CSGALNACT1: variants seen among roughly 807,000 people sequenced by gnomAD.
The protein encoded by CSGALNACT1 is chondroitin sulfate N-acetylgalactosaminyltransferase 1.
In CSGALNACT1, 52 loss-of-function variants were observed where a neutral mutation model predicts 51.0. The observed-to-expected ratio is 1.02, with a 90% CI of 0.82 to 1.29. The LOEUF (loss-of-function observed/expected upper bound fraction) is 1.29, where lower values mean the gene tolerates loss of function less well. CSGALNACT1 is among the 50% of genes most tolerant of loss of function. The pLI, the probability that CSGALNACT1 is intolerant of heterozygous loss-of-function variation, is 0.00. For synonymous variants in CSGALNACT1, 341 were observed against 254.4 expected, an observed-to-expected ratio of 1.34 and a Z score of -3.24; for missense variants, 935 against 679.2, an observed-to-expected ratio of 1.38 and a Z score of -4.19.
intron 1 of CSGALNACT1, among the ~76,000 whole-genome samples, chr8:19,693,667 G>C (rs17481361): frequency 0.25 from 38,042 of 151,816 alleles, 5,090 homozygotes; most frequent in Middle Eastern, 0.37. Flanking sequence ...GTTCTTACCT[G>C]TTTGTGATCA....
intron 1 of CSGALNACT1, among the ~76,000 whole-genome samples, chr8:19,723,507 T>C (rs1411921819): frequency 6.6e-6 from 1 of 152,156 alleles, no homozygotes; most frequent in Non-Finnish European, 1.5e-5. Flanking sequence ...GTTGTCAGGA[T>C]ATCAAAAGAA....
intron 5 of CSGALNACT1, among the ~76,000 whole-genome samples, chr8:19,441,208 G>GA (rs1182931799): frequency 1.8e-4 from 27 of 152,016 alleles, no homozygotes; most frequent in Admixed American, 5.9e-4. Flanking sequence ...CACAGAATTG[G>GA]AAAAAACTAC....
At chr8:19,426,598 T>A (rs1670006526) in intron 6 of CSGALNACT1, among the ~76,000 whole-genome samples, 1 of 152,306 alleles carries the variant, frequency 6.6e-6, no homozygotes, top group Admixed American at 6.5e-5. Context: ...TGCTTATAAT[T>A]ATTTCTTTTT....
intron 1 of CSGALNACT1, among the ~76,000 whole-genome samples, chr8:19,636,760 C>T (rs1451421581): frequency 1.3e-5 from 2 of 152,198 alleles, no homozygotes; most frequent in African/African-American, 4.8e-5. Context: ...AGTCTTCCTT[C>T]TCCCGAGTTT....
At chr8:19,487,540 G>A (rs1298993401) in intron 4 of CSGALNACT1, among the ~76,000 whole-genome samples, 1 of 152,150 alleles carries the variant, frequency 6.6e-6, no homozygotes, top group Non-Finnish European at 1.5e-5. Context: ...TGGACAGAAA[G>A]TCAATAAGAA....
At position 19,478,905 on chromosome 8, in the gene CSGALNACT1, G is replaced by A. The variant is rs536892449; in HGVS notation, c.635-20263C>T. Reference sequence around the variant, plus strand: ...ACCCTCCTTAAAGGGATCTTGTCATGTCATTTTAGGTTGCTAATGTTTGGA... The same window carrying A: ...ACCCTCCTTAAAGGGATCTTGTCATATCATTTTAGGTTGCTAATGTTTGGA... On this transcript the variant is annotated intron_variant, in intron 4 of 9. Transcript: ENST00000454498. Among the ~76,000 whole-genome samples the A allele has an allele frequency of 6.6e-5, 10 of 152,276 alleles. No homozygotes were observed. In the East Asian group the frequency reaches 1.9e-3, roughly 29 times the overall value.
intron 3 of CSGALNACT1, among the ~76,000 whole-genome samples, chr8:19,523,891 T>C (rs1360959164): frequency 6.6e-6 from 1 of 152,296 alleles, no homozygotes; most frequent in South Asian, 2.1e-4. Context: ...AGAAAGATCA[T>C]CTGTTTGGAA....
chr8:19,711,949 A>T (rs181677771), intron 1 of CSGALNACT1, among the ~76,000 whole-genome samples: 59 of 152,336 alleles, frequency 3.9e-4, no homozygotes, highest in Non-Finnish European at 7.5e-4. Context: ...TGCTAAACCC[A>T]TTGGACAGAT....
chr8:19,456,890 C>T lies in CSGALNACT1; in HGVS notation c.851+1536G>A, dbSNP rs7015665. 2.9e-3 allele frequency among the ~76,000 whole-genome samples: 434 copies of T among 152,270 alleles called. 3 individuals carry two copies. Among genetic ancestry groups the T allele is most frequent in the African/African-American group, 0.01 (421 of 41,538 alleles). On this transcript the variant is annotated intron_variant, in intron 5 of 9. Transcript: ENST00000454498. ...AAAAGACTAGGGGAGTTGTGATGAC[C>T]ACCTTCAAATATTTGAAAACTTATG... is the stretch of plus-strand genomic sequence containing the variant.
chr8:19,735,307 G>A (rs2063911205), intron 1 of CSGALNACT1, among the ~76,000 whole-genome samples: 2 of 152,050 alleles, frequency 1.3e-5, no homozygotes, highest in South Asian at 4.1e-4. Context: ...CCATATCAAA[G>A]ATTTCATTTT....
At chr8:19,409,259 T>A (rs1231588695) in intron 8 of CSGALNACT1, among the ~76,000 whole-genome samples, 1 of 152,182 alleles carries the variant, frequency 6.6e-6, no homozygotes, top group Non-Finnish European at 1.5e-5. Context: ...CTCTGTTAAC[T>A]CTCGCTTGCT....
intron 5 of CSGALNACT1, among the ~76,000 whole-genome samples, chr8:19,452,158 C>T (rs1396731212): frequency 6.6e-6 from 1 of 152,148 alleles, no homozygotes; most frequent in Admixed American, 6.5e-5. Flanking sequence ...TCTACATTAG[C>T]TTCCTGTGGC....
intron 5 of CSGALNACT1, among the ~76,000 whole-genome samples, chr8:19,449,483 T>C (rs1045844431): frequency 6.6e-6 from 1 of 152,186 alleles, no homozygotes; most frequent in African/African-American, 2.4e-5. Context: ...GGCCTTTCTG[T>C]CATATATACC....
intron 1 of CSGALNACT1, among the ~76,000 whole-genome samples, chr8:19,662,387 A>C (rs1564373710): frequency 6.6e-6 from 1 of 152,146 alleles, no homozygotes; most frequent in Non-Finnish European, 1.5e-5. Context: ...GCCTCTAAAA[A>C]AGAAAGAAAA....
chr8:19,700,933 C>T (rs2061830795), intron 1 of CSGALNACT1, among the ~76,000 whole-genome samples: 1 of 152,032 alleles, frequency 6.6e-6, no homozygotes, highest in Non-Finnish European at 1.5e-5. Flanking sequence ...TTCCCAATAT[C>T]CACTGAAAAC....
intron 1 of CSGALNACT1, among the ~76,000 whole-genome samples, chr8:19,734,312 G>A (rs1041268717): frequency 1.3e-5 from 2 of 152,192 alleles, no homozygotes; most frequent in African/African-American, 4.8e-5. Context: ...GAATATTCTT[G>A]TAACAAAAAG....
At chr8:19,451,740 T>C (rs372820720) in intron 5 of CSGALNACT1, among the ~76,000 whole-genome samples, 1 of 152,236 alleles carries the variant, frequency 6.6e-6, no homozygotes, top group Admixed American at 6.5e-5. Context: ...ATATTTATTG[T>C]AAGTTGAAGC....
chr8:19,489,393 A>G (rs1331871425), intron 4 of CSGALNACT1, among the ~76,000 whole-genome samples: 5 of 152,140 alleles, frequency 3.3e-5, no homozygotes, highest in African/African-American at 1.2e-4. Flanking sequence ...AAAAAAATCA[A>G]ACAAAAATTT....
intron 3 of CSGALNACT1, among the ~76,000 whole-genome samples, chr8:19,551,974 G>T (rs1430209570): frequency 6.6e-6 from 1 of 151,946 alleles, no homozygotes; most frequent in Non-Finnish European, 1.5e-5. Context: ...TCTAAAATAG[G>T]GTATCATTCC....
Sources: gnomAD v4.1 joint callset for allele counts (sites outside exome capture counted in the v4.1 genomes callset) on GRCh38, gnomAD v4.1.1 for gene constraint, MANE v1.5 for transcripts, NCBI Gene and HGNC (gene_info 2026-07-23, HGNC 2026-07-21) for gene names.